Variants in DENND1A observed in about 807,000 individuals in gnomAD.
DENND1A encodes the protein DENN domain containing 1A, also known as DENN domain-containing protein 1A.
Under a neutral mutation model 113.7 loss-of-function variants are expected in DENND1A, and 51 were observed. That is an observed-to-expected ratio of 0.45 (90% CI 0.36 to 0.57). DENND1A has a LOEUF of 0.57. Ranked by LOEUF, DENND1A falls within the 20% of genes least tolerant of loss-of-function variation. DENND1A has a pLI of 0.00. For synonymous variants in DENND1A, 565 were observed against 570.8 expected, an observed-to-expected ratio of 0.99 and a Z score of 0.14; for missense variants, 1,258 against 1,395.9, an observed-to-expected ratio of 0.90 and a Z score of 1.57.
chr9:123,697,462 T>C (rs1359838112), intron 5 of DENND1A, among the ~76,000 whole-genome samples: 1 of 152,210 alleles, frequency 6.6e-6, no homozygotes, highest in Admixed American at 6.5e-5. Flanking sequence ...TTAGTGGTTA[T>C]TTGTGAGATT....
chr9:123,739,188 G>A (rs941035141), intron 5 of DENND1A, among the ~76,000 whole-genome samples: 1 of 152,086 alleles, frequency 6.6e-6, no homozygotes, highest in Non-Finnish European at 1.5e-5. Context: ...GAGGATTTGT[G>A]GAGTTTTCAG....
At chr9:123,641,075 C>T (rs2062002608) in intron 9 of DENND1A, among the ~76,000 whole-genome samples, 1 of 152,178 alleles carries the variant, frequency 6.6e-6, no homozygotes, top group South Asian at 2.1e-4. Context: ...ATGGTCTAAC[C>T]TCATATCACA....
intron 12 of DENND1A, among the ~76,000 whole-genome samples, chr9:123,562,301 G>A (rs2057804495): frequency 6.6e-6 from 1 of 152,034 alleles, no homozygotes; most frequent in Non-Finnish European, 1.5e-5. Context: ...GCTCAGTCCT[G>A]GCTGTCTCTT....
chr9:123,872,030 C>T (rs897530402), intron 2 of DENND1A, among the ~76,000 whole-genome samples: 7 of 152,128 alleles, frequency 4.6e-5, no homozygotes, highest in African/African-American at 1.4e-4. Flanking sequence ...CACCCTCTTC[C>T]GAGACCTTTG....
At chr9:123,441,822 T>G (rs148029147) in intron 18 of DENND1A, among the ~76,000 whole-genome samples, 44 of 152,394 alleles carry the variant, frequency 2.9e-4, no homozygotes, top group African/African-American at 9.1e-4. Context: ...ATATACACTT[T>G]GATCAACAAA....
At chr9:123,400,755 A>C (rs1482157605) in intron 21 of DENND1A, 1 of 152,014 alleles carries the variant, frequency 6.6e-6, no homozygotes, top group Non-Finnish European at 1.5e-5. Context: ...TAATTTTTGT[A>C]TTTTTAGTAG....
intron 19 of DENND1A, chr9:123,439,677 A>G (rs927745226): frequency 1.3e-5 from 2 of 152,268 alleles, no homozygotes; most frequent in African/African-American, 4.8e-5. Flanking sequence ...CCAAATGATG[A>G]CTTTCGCTAA....
At chr9:123,808,252 A>T (rs564879880) in intron 2 of DENND1A, among the ~76,000 whole-genome samples, 1 of 151,930 alleles carries the variant, frequency 6.6e-6, no homozygotes, top group South Asian at 2.1e-4. Context: ...CAAAAAAAAC[A>T]CCAAAAAACC....
intron 5 of DENND1A, among the ~76,000 whole-genome samples, chr9:123,725,207 T>C (rs2067616145): frequency 6.6e-6 from 1 of 152,260 alleles, no homozygotes; most frequent in African/African-American, 2.4e-5. Flanking sequence ...ACCCTCATTA[T>C]ATTTTTCTCA....
At chr9:123,569,848 T>A (rs957601576) in intron 12 of DENND1A, among the ~76,000 whole-genome samples, 24 of 152,158 alleles carry the variant, frequency 1.6e-4, no homozygotes, top group African/African-American at 5.1e-4. Flanking sequence ...GATCCAACAC[T>A]CGACCCTTAG....
chr9:123,381,862 G>A lies in DENND1A; in HGVS notation c.2783C>T (p.Ala928Val), dbSNP rs778760002. The change falls in exon 24 of 24, where the codon GCG becomes GTG. Residue 928 changes from alanine to valine, a missense_variant. By Grantham distance (64) the Ala-to-Val change is moderately conservative. This residue lies in a region of DENND1A where 1,159 missense variants were observed against 1,231.7 expected (regional missense o/e 0.94). Coordinates refer to ENST00000394215, the MANE Select transcript of DENND1A (RefSeq NM_001352964.2). This position sits in a 1 kb window ranked among gnomAD's most constrained non-coding sequence, Gnocchi z 4.7. ...AGCACTGGACAGCAGGAGGCCGGAC[G>A]CAAAAGCCGGCCCCAGGGAAGCTGG... Reference protein sequence around the residue: ...APPASLGPAFASGLLLSSAGF... With the variant: ...APPASLGPAFVSGLLLSSAGF... 5.7e-5 allele frequency: 72 copies of A among 1,256,280 alleles called. No homozygotes were observed. The South Asian group carries it at 8.2e-4, about 14-fold the overall frequency. 77.8% of individuals were successfully genotyped at this position (1,256,280 alleles called of 1,614,324 possible).
chr9:123,809,670 C>A (rs1836205773), intron 2 of DENND1A, among the ~76,000 whole-genome samples: 1 of 152,100 alleles, frequency 6.6e-6, no homozygotes, highest in Non-Finnish European at 1.5e-5. Flanking sequence ...GCAGCAGTGG[C>A]TACTTAAATG....
intron 5 of DENND1A, among the ~76,000 whole-genome samples, chr9:123,721,739 T>C (rs1336235388): frequency 1.3e-5 from 2 of 152,214 alleles, no homozygotes; most frequent in African/African-American, 2.4e-5. Context: ...TCCATCCATG[T>C]AAGACATGAC....
intron 1 of DENND1A, among the ~76,000 whole-genome samples, chr9:123,902,314 C>G (rs1461746099): frequency 6.6e-6 from 1 of 152,096 alleles, no homozygotes; most frequent in African/African-American, 2.4e-5. Context: ...ACAAAAAGTT[C>G]AGTGAAAGCA....
chr9:123,556,408 C>T (rs888217734), intron 13 of DENND1A, among the ~76,000 whole-genome samples: 5 of 152,178 alleles, frequency 3.3e-5, no homozygotes, highest in South Asian at 2.1e-4. Context: ...CTTGAATACA[C>T]GACGGAGTCA....
In DENND1A at chr9:123,916,503, G is replaced by C. The variant is rs1052862320; in HGVS notation, c.17+13386C>G. 2.0e-5 allele frequency among the ~76,000 whole-genome samples: 3 copies of C among 151,770 alleles called. No homozygotes were observed. The East Asian group carries it at 5.8e-4, about 29-fold the overall frequency. ...TTCTCCTGCCTCAGCCTCCCGAGTA[G>C]CTGGGATTACAGGCATGTGCCACCA... On this transcript the variant is annotated intron_variant, in intron 1 of 23. Coordinates refer to ENST00000394215, the MANE Select transcript of DENND1A (RefSeq NM_001352964.2).
At chr9:123,792,456 G>T in intron 3 of DENND1A, 131 bp downstream of exon 3, 7 of 892,556 alleles carry the variant, frequency 7.8e-6, no homozygotes, top group Admixed American at 2.9e-5. Flanking sequence ...TTTTGTCTTT[G>T]GTTCCTAATT....
chr9:123,673,212 A>G (rs1369531008), intron 6 of DENND1A, among the ~76,000 whole-genome samples: 1 of 152,254 alleles, frequency 6.6e-6, no homozygotes, highest in East Asian at 1.9e-4. Context: ...TTTGCAGTAA[A>G]TAACCATTTT....
chr9:123,693,804 ATAT>A (rs72061275), intron 5 of DENND1A, among the ~76,000 whole-genome samples: 23,460 of 140,060 alleles, frequency 0.17, 2,186 homozygotes, highest in East Asian at 0.4. Context: ...TTCATTAGCT[ATAT>A]TATTATTATT....
Sources: allele counts gnomAD v4.1 joint callset (sites outside exome capture counted in the v4.1 genomes callset), GRCh38; gene constraint gnomAD v4.1.1; regional missense constraint gnomAD v4.1.1; non-coding constraint Gnocchi (gnomAD v3.1); transcripts MANE v1.5; gene names NCBI Gene and HGNC (gene_info 2026-07-23, HGNC 2026-07-21).